The following NTRK2 variants were observed in gnomAD, a reference collection of about 807,000 sequenced individuals.
The protein encoded by NTRK2 is BDNF/NT-3 growth factors receptor.
A neutral mutation model predicts 94.5 loss-of-function variants in NTRK2; 13 were observed. That is an observed-to-expected ratio of 0.14 (90% confidence interval 0.09 to 0.22). The LOEUF (loss-of-function observed/expected upper bound fraction) is 0.22, where lower values mean the gene tolerates loss of function less well. NTRK2 is among the 10% of genes least tolerant of loss of function. The pLI is 1.00. For missense variants in NTRK2, 639 were observed against 1,071.2 expected, an observed-to-expected ratio of 0.60 and a Z score of 5.63; for synonymous variants, 372 against 407.4, an observed-to-expected ratio of 0.91 and a Z score of 1.05.
intron 11 of NTRK2, among the ~76,000 whole-genome samples, chr9:84,749,164 G>T (rs1054194120): frequency 6.6e-6 from 1 of 152,100 alleles, no homozygotes; most frequent in African/African-American, 2.4e-5. Flanking sequence ...GGAGGCGGAG[G>T]TTGTGGTGAG....
intron 14 of NTRK2, among the ~76,000 whole-genome samples, chr9:84,890,405 CAG>C (rs2076562049): frequency 6.6e-6 from 1 of 152,152 alleles, no homozygotes; most frequent in Non-Finnish European, 1.5e-5. Flanking sequence ...AGGGGGTACT[CAG>C]AATCTTTTTT....
chr9:84,690,246 C>G (rs1438257569), intron 2 of NTRK2, among the ~76,000 whole-genome samples: 1 of 152,206 alleles, frequency 6.6e-6, no homozygotes, highest in Non-Finnish European at 1.5e-5. Flanking sequence ...CCACTGGAAT[C>G]ATTCTCCTCT....
At chr9:84,692,138 C>G (rs945815028) in intron 2 of NTRK2, among the ~76,000 whole-genome samples, 1 of 152,006 alleles carries the variant, frequency 6.6e-6, no homozygotes, top group Non-Finnish European at 1.5e-5. Context: ...TATTGTCTTC[C>G]CATCGGCTGT....
At chr9:84,872,942 C>T (rs2075919465) in intron 14 of NTRK2, 1 of 1,064,974 alleles carries the variant, frequency 9.4e-7, no homozygotes, top group Non-Finnish European at 1.1e-6. Flanking sequence ...AGGGGAAAGG[C>T]TGGAGGTGAT....
Position 84,968,886 on chromosome 9 carries a change from G to GTAACCACATCCTTGAA in NTRK2, c.2172+13371_2172+13386dup, listed in dbSNP as rs151249692. On this transcript the variant is annotated intron_variant, in intron 17 of 18. Coordinates refer to ENST00000277120, the MANE Select transcript of NTRK2 (RefSeq NM_006180.6). ...CATATTTGCAAGGATGCTCTATTGA[G>GTAACCACATCCTTGAA]TAACCACATCCTTGAATCCAAAGAT... Among the ~76,000 whole-genome samples the GTAACCACATCCTTGAA allele has an allele frequency of 5.6e-3, 859 of 152,300 alleles. 11 individuals are homozygous for GTAACCACATCCTTGAA. Among genetic ancestry groups the GTAACCACATCCTTGAA allele is most frequent in the African/African-American group, 0.02 (832 of 41,552 alleles).
At chr9:84,838,626 C>A (rs1329733346) in intron 12 of NTRK2, among the ~76,000 whole-genome samples, 7 of 152,000 alleles carry the variant, frequency 4.6e-5, no homozygotes, top group African/African-American at 1.2e-4. Context: ...TCATAGAATA[C>A]AACATGTTAC....
At chr9:84,937,119 C>T (rs1055999468) in intron 15 of NTRK2, among the ~76,000 whole-genome samples, 2 of 152,092 alleles carry the variant, frequency 1.3e-5, no homozygotes, top group African/African-American at 4.8e-5. Context: ...TCCAAAGGAG[C>T]CTGGGAAGAA....
chr9:84,953,255 G>A (rs929387233), intron 16 of NTRK2, among the ~76,000 whole-genome samples: 1 of 152,244 alleles, frequency 6.6e-6, no homozygotes, highest in Non-Finnish European at 1.5e-5. Flanking sequence ...AGGATAACTT[G>A]TGTTTTCACA....
intron 17 of NTRK2, among the ~76,000 whole-genome samples, chr9:84,985,507 G>C (rs1046349014): frequency 6.6e-6 from 1 of 152,182 alleles, no homozygotes. Flanking sequence ...TCTGTTAATC[G>C]CTGGTAGCCT....
chr9:84,695,607 G>A (rs1469824574), intron 2 of NTRK2, among the ~76,000 whole-genome samples: 1 of 152,146 alleles, frequency 6.6e-6, no homozygotes, highest in East Asian at 1.9e-4. Flanking sequence ...AAGATTTGGT[G>A]ACAACACAAA....
intron 17 of NTRK2, among the ~76,000 whole-genome samples, chr9:84,980,395 G>GTA (rs1827438987): frequency 1.3e-5 from 2 of 152,104 alleles, no homozygotes; most frequent in African/African-American, 4.8e-5. Context: ...TAGAGGACTT[G>GTA]TAGGCTTGAA....
chr9:84,785,153 T>C (rs929819822), intron 12 of NTRK2, among the ~76,000 whole-genome samples: 4 of 152,220 alleles, frequency 2.6e-5, no homozygotes, highest in African/African-American at 9.6e-5. Context: ...CAGATGATGT[T>C]AGCAGTGATT....
chr9:84,713,306 T>C (rs1208862765), intron 6 of NTRK2, among the ~76,000 whole-genome samples: 1 of 152,198 alleles, frequency 6.6e-6, no homozygotes, highest in Non-Finnish European at 1.5e-5. Flanking sequence ...ATAAATATTC[T>C]CTTTTTAAAA....
At chr9:84,951,220 G>T (rs563670948) in intron 16 of NTRK2, among the ~76,000 whole-genome samples, 28 of 152,274 alleles carry the variant, frequency 1.8e-4, no homozygotes, top group African/African-American at 6.7e-4. Context: ...GGTGGAATTA[G>T]GAATATATAG....
rs2076996728 is a variant in NTRK2 at position 84,903,712 on chromosome 9, T to G, written c.1634-30450T>G. ...TTTCTTTTTTCCTTCCTTCCTTCCT[T>G]CCTTCTTTCCTTCCTTGCCTCCCTC... On this transcript the variant is annotated intron_variant, in intron 14 of 18. Coordinates refer to ENST00000277120, the MANE Select transcript of NTRK2 (RefSeq NM_006180.6). 3.3e-5 allele frequency among the ~76,000 whole-genome samples: 5 copies of G among 152,038 alleles called. No homozygotes were observed. The South Asian group carries it at 1.0e-3, about 32-fold the overall frequency.
intron 2 of NTRK2, among the ~76,000 whole-genome samples, chr9:84,682,446 G>A (rs12554152): frequency 0.034 from 5,162 of 152,238 alleles, 119 homozygotes; most frequent in Middle Eastern, 0.078. Flanking sequence ...CTCTGAAGAA[G>A]TTGGGGAGGT....
In NTRK2 at chr9:84,987,900, A is replaced by G. The variant is rs116576612; in HGVS notation, c.2173-32306A>G. 8.8e-3 allele frequency among the ~76,000 whole-genome samples: 1,337 copies of G among 152,342 alleles called. 23 individuals are homozygous for G. The highest frequency in any genetic ancestry group is 0.031 in the African/African-American group (1,273 of 41,582). ...GATATATATATTTGCCTGTTCTTCAATGTTGTAAATTTCTTATTCAACTCC... is the reference window on the plus strand; with the variant it reads ...GATATATATATTTGCCTGTTCTTCAGTGTTGTAAATTTCTTATTCAACTCC... On this transcript the variant is annotated intron_variant, in intron 17 of 18. Transcript: ENST00000277120.
intron 12 of NTRK2, among the ~76,000 whole-genome samples, chr9:84,850,402 T>C (rs1237806378): frequency 6.6e-6 from 1 of 152,188 alleles, no homozygotes; most frequent in Non-Finnish European, 1.5e-5. Flanking sequence ...TTGAGGCATC[T>C]TTATTAAAGG....
chr9:84,730,762 T>A (rs1255579682), intron 9 of NTRK2, among the ~76,000 whole-genome samples: 429 of 5,982 alleles, frequency 0.072, no homozygotes, highest in Non-Finnish European at 0.076. Flanking sequence ...AAAAAAAAAC[T>A]AAAGAAAAAT....
Sources: gnomAD v4.1 joint callset for allele counts (sites outside exome capture counted in the v4.1 genomes callset) on GRCh38, gnomAD v4.1.1 for gene constraint, MANE v1.5 for transcripts, NCBI Gene and HGNC (gene_info 2026-07-23, HGNC 2026-07-21) for gene names.